Variants in KCNMA1 observed in about 807,000 individuals in gnomAD.
KCNMA1 encodes the protein Calcium-activated potassium channel subunit alpha-1.
Under a neutral mutation model 140.0 loss-of-function variants are expected in KCNMA1, and 29 were observed. That is an observed-to-expected ratio of 0.21 (90% CI 0.15 to 0.28). The LOEUF is 0.28. Ranked by LOEUF, KCNMA1 falls within the 10% of genes least tolerant of loss-of-function variation. The pLI, the probability that KCNMA1 is intolerant of heterozygous loss-of-function variation, is 1.00. For missense variants in KCNMA1, 880 were observed against 1,602.2 expected (o/e 0.55, Z 7.70); for synonymous variants, 612 against 611.9 (o/e 1.00, Z 0.00).
chr10:77,568,538 T>C (rs1405207785), intron 1 of KCNMA1, among the ~76,000 whole-genome samples: 3 of 151,854 alleles, frequency 2.0e-5, no homozygotes, highest in African/African-American at 7.3e-5. Flanking sequence ...TCAACAACCC[T>C]TCATGCTAAA....
chr10:76,883,308 TC>T (rs1463387519), downstream of KCNMA1, among the ~76,000 whole-genome samples: 3 of 152,176 alleles, frequency 2.0e-5, no homozygotes, highest in Non-Finnish European at 2.9e-5. Flanking sequence ...ATGTGTAAAG[TC>T]AATTTATATC....
chr10:77,241,499 T>C (rs2154232224), intron 3 of KCNMA1, among the ~76,000 whole-genome samples: 1 of 147,952 alleles, frequency 6.8e-6, no homozygotes, highest in Middle Eastern at 3.5e-3. Flanking sequence ...TTTTTTTTAA[T>C]TAGCTGGGCA....
intron 15 of KCNMA1, among the ~76,000 whole-genome samples, chr10:77,038,560 T>C (rs2094472568): frequency 6.6e-6 from 1 of 152,122 alleles, no homozygotes; most frequent in Non-Finnish European, 1.5e-5. Flanking sequence ...ATTATTATTT[T>C]AGAGATACAA....
At chr10:77,119,102 C>A (rs991349608) in intron 6 of KCNMA1, among the ~76,000 whole-genome samples, 10 of 152,234 alleles carry the variant, frequency 6.6e-5, no homozygotes, top group African/African-American at 1.9e-4. Context: ...CGTCCCCTGG[C>A]TGGCTGCTTC....
rs200945011 is a variant in KCNMA1 at position 76,887,473 on chromosome 10, C to T, written c.3504G>A (p.Pro1168=). The change falls in exon 28 of 28, where the codon CCG becomes CCA. Residue 1168 remains proline (P), a synonymous_variant. Coordinates refer to ENST00000286628, the MANE Select transcript of KCNMA1 (RefSeq NM_001161352.2). The part of the protein sequence containing the change: ...TNPPYEFELV[P]TDLIFCLMQF... Reference sequence around the variant, plus strand: ...GCATTAAGCAGAAGATCAGGTCCGTCGGCACGAGCTCAAACTCATAGGGCG... The same window carrying T: ...GCATTAAGCAGAAGATCAGGTCCGTTGGCACGAGCTCAAACTCATAGGGCG... The T allele has an allele frequency of 2.2e-5, 36 of 1,613,940 alleles. No individual in the cohort carries two copies. Among genetic ancestry groups the T allele is most frequent in the Admixed American group, 5.0e-5 (3 of 59,980 alleles).
At chr10:77,316,056 G>T (rs992755673) in intron 2 of KCNMA1, among the ~76,000 whole-genome samples, 2 of 152,134 alleles carry the variant, frequency 1.3e-5, no homozygotes, top group African/African-American at 4.8e-5. Flanking sequence ...AAACCTGGAG[G>T]CTCCCTGGTT....
rs185040126 is a variant in KCNMA1 at position 77,123,174 on chromosome 10, C to A, written c.809-2126G>T. ...CAGCCTGGGCGACAGAGCGAGACTC[C>A]GTCTCAAAAAAAAAAAAAAAAAAAA... On this transcript the variant is annotated intron_variant, in intron 5 of 27. Coordinates refer to ENST00000286628, the MANE Select transcript of KCNMA1 (RefSeq NM_001161352.2). Among the ~76,000 whole-genome samples the A allele has an allele frequency of 0.011, 848 of 79,768 alleles. 25 individuals carry two copies. In the East Asian group the frequency reaches 0.13, roughly 12 times the overall value. 52.3% of individuals were successfully genotyped at this position (79,768 alleles called of 152,430 possible).
Position 77,088,573 on chromosome 10 carries a change from G to A in KCNMA1, c.1334+1827C>T, listed in dbSNP as rs571961792. On this transcript the variant is annotated intron_variant, in intron 10 of 27. Transcript: ENST00000286628. ...GCCTCCAGAGTAGCGAGGGCTACAGGCACGTGCCCCTATGCCTGGCTAATC... is the reference window on the plus strand; with the variant it reads ...GCCTCCAGAGTAGCGAGGGCTACAGACACGTGCCCCTATGCCTGGCTAATC... 8.5e-5 allele frequency among the ~76,000 whole-genome samples: 13 copies of A among 152,156 alleles called. 1 individual carries two copies. In the South Asian group the frequency reaches 2.1e-3, roughly 24 times the overall value.
At chr10:77,008,073 A>C (rs1344076196) in intron 18 of KCNMA1, 4 of 1,105,934 alleles carry the variant, frequency 3.6e-6, no homozygotes, top group Non-Finnish European at 2.6e-6. Context: ...TGCAACATAA[A>C]TACCAAAAGT....
intron 19 of KCNMA1, among the ~76,000 whole-genome samples, chr10:76,998,111 T>C (rs987093480): frequency 6.6e-5 from 10 of 152,170 alleles, no homozygotes; most frequent in African/African-American, 2.4e-4. Flanking sequence ...TAATAGCACA[T>C]GACTCAACCG....
At chr10:77,249,266 C>T (rs964083274) in intron 3 of KCNMA1, among the ~76,000 whole-genome samples, 1 of 152,228 alleles carries the variant, frequency 6.6e-6, no homozygotes, top group Admixed American at 6.5e-5. Flanking sequence ...AGAAGGATCA[C>T]AATTAAAGCC....
At chr10:76,983,599 T>C (rs1338934333) in intron 19 of KCNMA1, among the ~76,000 whole-genome samples, 1 of 152,014 alleles carries the variant, frequency 6.6e-6, no homozygotes, top group African/African-American at 2.4e-5. Context: ...TGGTGGCATA[T>C]GCCTGTAGTC....
At chr10:77,171,400 CGTGTGTGT>C (rs60927086) in intron 5 of KCNMA1, among the ~76,000 whole-genome samples, 25,322 of 128,888 alleles carry the variant, frequency 0.2, 3,174 homozygotes, top group East Asian at 0.68. Context: ...TGTGTGTGTG[CGTGTGTGT>C]GTGTGTGTGT....
chr10:77,206,908 A>C (rs2154167087), intron 3 of KCNMA1, among the ~76,000 whole-genome samples: 1 of 152,210 alleles, frequency 6.6e-6, no homozygotes. Context: ...CATGCTTGTT[A>C]TTAGGATCAG....
chr10:77,382,113 T>C (rs1041853839), intron 2 of KCNMA1, among the ~76,000 whole-genome samples: 8 of 152,140 alleles, frequency 5.3e-5, no homozygotes, highest in African/African-American at 1.9e-4. Context: ...CATCAGGCAC[T>C]CATCAGCCAC....
Position 77,084,657 on chromosome 10 carries a change from C to T in KCNMA1, c.1503G>A (p.Glu501=). ...ANKYCADPDA[E]DASNIMRVIS... ...GTTACCTCATGATATTCGAGGCATCCTCCGCATCCGGGTCAGCGCAGTACT... is the reference window on the plus strand; with the variant it reads ...GTTACCTCATGATATTCGAGGCATCTTCCGCATCCGGGTCAGCGCAGTACT... The change falls in exon 12 of 28, where the codon GAG becomes GAA. Residue 501 remains glutamate (E), a synonymous_variant. Transcript: ENST00000286628. 6.2e-7 allele frequency: 1 copy of T among 1,614,152 alleles called. No homozygotes were observed. The highest frequency in any genetic ancestry group is 1.1e-5 in the South Asian group (1 of 91,082).
chr10:77,122,095 T>A (rs1377850889), intron 5 of KCNMA1, among the ~76,000 whole-genome samples: 1 of 152,206 alleles, frequency 6.6e-6, no homozygotes, highest in Non-Finnish European at 1.5e-5. Context: ...CCCACGCCCG[T>A]GAGCCAGTAA....
chr10:77,421,903 T>C (rs185426921), intron 1 of KCNMA1, among the ~76,000 whole-genome samples: 70 of 152,352 alleles, frequency 4.6e-4, no homozygotes, highest in African/African-American at 1.5e-3. Flanking sequence ...TAGAGCCATG[T>C]TTCCCAGTGT....
In KCNMA1 at chr10:77,342,851, T is replaced by C. The variant is rs532334745; in HGVS notation, c.540+61011A>G. On this transcript the variant is annotated intron_variant, in intron 2 of 27. Coordinates refer to ENST00000286628, the MANE Select transcript of KCNMA1 (RefSeq NM_001161352.2). The stretch of plus-strand genomic sequence containing the variant: ...GAGGAGCAGAGCCGAGCCCCATCAC[T>C]GGGAAGTGTCACTCATCTGGCCAGC... Among the ~76,000 whole-genome samples, 55 of 152,284 alleles carry C rather than the reference T, an allele frequency of 3.6e-4. 3 individuals are homozygous for C. In the South Asian group the frequency reaches 0.011, roughly 31 times the overall value.
Sources: gnomAD v4.1 joint callset for allele counts (sites outside exome capture counted in the v4.1 genomes callset) on GRCh38, gnomAD v4.1.1 for gene constraint, MANE v1.5 for transcripts, NCBI Gene and HGNC (gene_info 2026-07-23, HGNC 2026-07-21) for gene names.